Variants in DDX10 observed in about 807,000 individuals in gnomAD.
DDX10 encodes the protein DEAD-box helicase 10.
A neutral mutation model predicts 104.3 loss-of-function variants in DDX10; 74 were observed. That is an observed-to-expected ratio of 0.71 (90% confidence interval 0.59 to 0.86). The LOEUF is 0.86. DDX10 is among the 40% of genes least tolerant of loss of function. The probability of loss-of-function intolerance (pLI) is 0.00; values close to 1 mark genes in which losing one functional copy is unlikely to be tolerated. For synonymous variants in DDX10, 351 were observed against 353.4 expected (o/e 0.99, Z 0.08); for missense variants, 952 against 1,040.0 (o/e 0.92, Z 1.16).
chr11:108,883,714 C>G (rs1247897651), intron 16 of DDX10, among the ~76,000 whole-genome samples: 1 of 152,140 alleles, frequency 6.6e-6, no homozygotes, highest in African/African-American at 2.4e-5. Flanking sequence ...CTCCACTTGA[C>G]CAAAACCTGT....
At chr11:108,917,055 T>G (rs192866742) in intron 16 of DDX10, among the ~76,000 whole-genome samples, 1 of 151,718 alleles carries the variant, frequency 6.6e-6, no homozygotes, top group East Asian at 1.9e-4. Flanking sequence ...CTTGTACAGA[T>G]CTGATTATTG....
At chr11:108,915,810 C>T (rs1317064301) in intron 16 of DDX10, among the ~76,000 whole-genome samples, 11 of 151,932 alleles carry the variant, frequency 7.2e-5, no homozygotes, top group Admixed American at 7.2e-4. Context: ...CTTCCCTTTC[C>T]CAAATACCTA....
intron 17 of DDX10, among the ~76,000 whole-genome samples, chr11:108,924,865 A>T (rs973937431): frequency 3.3e-5 from 5 of 152,180 alleles, no homozygotes; most frequent in Admixed American, 6.5e-5. Flanking sequence ...GTGATTGTTT[A>T]AAAAAACTAC....
At chr11:108,677,039 C>T (rs1467565372) in intron 3 of DDX10, 46 bp from the exon 4 acceptor site, 5 of 1,558,784 alleles carry the variant, frequency 3.2e-6, no homozygotes, top group Non-Finnish European at 2.6e-6. Context: ...GGTCAAAAAG[C>T]TGACTTCTGA....
chr11:108,915,408 A>G (rs1213448682), intron 16 of DDX10, among the ~76,000 whole-genome samples: 2 of 150,552 alleles, frequency 1.3e-5, no homozygotes, highest in African/African-American at 4.9e-5. Flanking sequence ...AACCACCAAC[A>G]GCTTCCCAAT....
intron 16 of DDX10, among the ~76,000 whole-genome samples, chr11:108,854,311 A>C (rs1275927408): frequency 6.6e-6 from 1 of 152,196 alleles, no homozygotes. Flanking sequence ...ATGTAAGGAG[A>C]AATATTATGT....
At chr11:108,821,865 T>C (rs1244834719) in intron 13 of DDX10, among the ~76,000 whole-genome samples, 1 of 152,182 alleles carries the variant, frequency 6.6e-6, no homozygotes, top group Non-Finnish European at 1.5e-5. Context: ...GCCAAAAATA[T>C]AAAGTAGACA....
intron 13 of DDX10, among the ~76,000 whole-genome samples, chr11:108,797,432 C>T (rs1171634685): frequency 6.6e-6 from 1 of 152,164 alleles, no homozygotes; most frequent in East Asian, 1.9e-4. Context: ...TTCTTTTAAC[C>T]TTACTGCAAC....
At chr11:108,824,779 A>C (rs918926655) in intron 13 of DDX10, among the ~76,000 whole-genome samples, 1 of 152,204 alleles carries the variant, frequency 6.6e-6, no homozygotes, top group East Asian at 1.9e-4. Context: ...TTTTGTCACT[A>C]TAGTGGCTTT....
At chr11:108,850,702 T>C (rs1245063739) in intron 15 of DDX10, among the ~76,000 whole-genome samples, 1 of 152,194 alleles carries the variant, frequency 6.6e-6, no homozygotes, top group Non-Finnish European at 1.5e-5. Flanking sequence ...AACATATTGA[T>C]ACGGATACAA....
At chr11:108,690,994 C>T (rs1323467830) in intron 7 of DDX10, 6 of 152,356 alleles carry the variant, frequency 3.9e-5, no homozygotes, top group Admixed American at 6.5e-5. Flanking sequence ...TACATCTTTA[C>T]GAAAGAAAGG....
rs117013726 is a variant in DDX10, at chr11:108,930,961, T to C, written c.2451-9285T>C. The stretch of plus-strand genomic sequence containing the variant: ...ATTTTAATAAAAACGTCAAAGACTA[T>C]TGTTGCTTGCTGAGGACCTTAACCT... On this transcript the variant is annotated intron_variant, in intron 17 of 17. Transcript: ENST00000322536. 2.0e-4 allele frequency among the ~76,000 whole-genome samples: 31 copies of C among 152,296 alleles called. No homozygotes were observed. In the East Asian group the frequency reaches 5.4e-3, roughly 27 times the overall value.
intron 7 of DDX10, chr11:108,690,724 A>G (rs1377893514): frequency 2.0e-5 from 4 of 196,338 alleles, no homozygotes; most frequent in Non-Finnish European, 3.1e-5. Context: ...CCCCCAGGAA[A>G]ATGTCAAGGA....
At chr11:108,764,188 A>C (rs928024569) in intron 13 of DDX10, among the ~76,000 whole-genome samples, 6 of 152,218 alleles carry the variant, frequency 3.9e-5, no homozygotes, top group African/African-American at 9.7e-5. Context: ...GCTTGCATGT[A>C]ATCGTTAAAA....
chr11:108,722,774 C>T (rs2094299846), intron 12 of DDX10, among the ~76,000 whole-genome samples: 1 of 152,100 alleles, frequency 6.6e-6, no homozygotes, highest in Admixed American at 6.6e-5. Flanking sequence ...CCATGTTACC[C>T]TCTTAAAGAA....
At chr11:108,788,245 G>C (rs1473496097) in intron 13 of DDX10, among the ~76,000 whole-genome samples, 2 of 152,294 alleles carry the variant, frequency 1.3e-5, no homozygotes, top group Admixed American at 6.5e-5. Context: ...TTGTGTGTGA[G>C]GGCTAGTGGC....
At chr11:108,806,947 T>C (rs912754170) in intron 13 of DDX10, among the ~76,000 whole-genome samples, 1 of 152,134 alleles carries the variant, frequency 6.6e-6, no homozygotes, top group African/African-American at 2.4e-5. Context: ...GAATTTGTGT[T>C]TTATTCTAAT....
intron 16 of DDX10, among the ~76,000 whole-genome samples, chr11:108,891,362 A>C (rs1863373653): frequency 6.6e-6 from 1 of 152,172 alleles, no homozygotes; most frequent in South Asian, 2.1e-4. Context: ...GGCGCTGTGC[A>C]GGGCTGAGGT....
chr11:108,689,720 T>C (rs941489222), intron 7 of DDX10, among the ~76,000 whole-genome samples: 7 of 152,252 alleles, frequency 4.6e-5, no homozygotes, highest in Non-Finnish European at 1.0e-4. Flanking sequence ...TCTTTGTGCA[T>C]GTGTGCGTGC....
Sources: allele counts gnomAD v4.1 joint callset (sites outside exome capture counted in the v4.1 genomes callset), GRCh38; gene constraint gnomAD v4.1.1; transcripts MANE v1.5; gene names NCBI Gene and HGNC (gene_info 2026-07-23, HGNC 2026-07-21).